The following OPHN1 variants were observed in gnomAD, a reference collection of about 807,000 sequenced individuals.
OPHN1 encodes oligophrenin-1.
OPHN1 carries 11 observed loss-of-function variants against 60.7 expected under a neutral mutation model. The observed-to-expected ratio is 0.18, with a 90% CI of 0.11 to 0.30. The LOEUF is 0.30. Ranked by LOEUF, OPHN1 falls within the 10% of genes least tolerant of loss-of-function variation. OPHN1 has a pLI of 1.00. For missense variants in OPHN1, 449 were observed against 611.0 expected (o/e 0.73, Z 2.80); for synonymous variants, 226 against 222.6 (o/e 1.02, Z -0.14).
At chrX:68,382,562 A>G (rs1265292375) in intron 2 of OPHN1, among the ~76,000 whole-genome samples, 4 of 110,840 alleles carry the variant, frequency 3.6e-5, no homozygotes, top group Non-Finnish European at 5.7e-5. Flanking sequence ...GCAAGTACTC[A>G]GCCTAATGCA....
At chrX:68,396,032 G>A (rs1032398982) in intron 2 of OPHN1, among the ~76,000 whole-genome samples, 2 of 110,552 alleles carry the variant, frequency 1.8e-5, no homozygotes, top group African/African-American at 6.6e-5. Flanking sequence ...AGGTATATCC[G>A]GGATTCAGAG....
At chrX:68,244,388 T>G (rs1378664488) in intron 5 of OPHN1, among the ~76,000 whole-genome samples, 1 of 112,283 alleles carries the variant, frequency 8.9e-6, no homozygotes, top group African/African-American at 3.2e-5. Flanking sequence ...TGAAATTATT[T>G]ATCTAATTAT....
chrX:68,283,225 G>T, intron 3 of OPHN1, 108 bp from the exon 4 acceptor site: 1 of 578,190 alleles, frequency 1.7e-6, no homozygotes, highest in Non-Finnish European at 2.9e-6. Flanking sequence ...ATGCCCACAT[G>T]GCCACTAGAG....
At chrX:68,152,092 C>G (rs185354115) in intron 15 of OPHN1, among the ~76,000 whole-genome samples, 324 of 111,005 alleles carry the variant, frequency 2.9e-3, no homozygotes, top group African/African-American at 9.9e-3. Flanking sequence ...GATGCTAACC[C>G]ACTCATGAGA....
At chrX:68,133,785 G>A (rs1377914388) in intron 15 of OPHN1, among the ~76,000 whole-genome samples, 1 of 111,793 alleles carries the variant, frequency 8.9e-6, no homozygotes, top group Non-Finnish European at 1.9e-5. Flanking sequence ...GTATGAGAGC[G>A]TGTGTATGTA....
At chrX:68,169,590 C>A (rs1282029978) in intron 15 of OPHN1, among the ~76,000 whole-genome samples, 1 of 107,811 alleles carries the variant, frequency 9.3e-6, no homozygotes, top group Non-Finnish European at 1.9e-5. Flanking sequence ...GAGATATAGA[C>A]CAATGGAACA....
At chrX:68,292,933 A>T (rs1390142753) in intron 3 of OPHN1, among the ~76,000 whole-genome samples, 1 of 111,863 alleles carries the variant, frequency 8.9e-6, no homozygotes, top group Non-Finnish European at 1.9e-5. Context: ...GTCTGGCAAA[A>T]TATTTGGTTC....
chrX:68,142,009 G>T (rs549472125), intron 15 of OPHN1, among the ~76,000 whole-genome samples: 96 of 111,747 alleles, frequency 8.6e-4, no homozygotes, highest in Middle Eastern at 9.4e-3. Flanking sequence ...ACAGGGAGTT[G>T]CCCCTGTGTC....
chrX:68,240,063 G>C (rs1047654817), intron 5 of OPHN1, among the ~76,000 whole-genome samples: 2 of 111,711 alleles, frequency 1.8e-5, no homozygotes, highest in Admixed American at 1.9e-4. Context: ...TGCTCGCCTC[G>C]GCCTCCCAAA....
chrX:68,323,140 T>C (rs1463508393), intron 2 of OPHN1, among the ~76,000 whole-genome samples: 1 of 112,083 alleles, frequency 8.9e-6, no homozygotes, highest in Non-Finnish European at 1.9e-5. Context: ...CTTGATAAAA[T>C]GCATAGAACG....
intron 5 of OPHN1, among the ~76,000 whole-genome samples, chrX:68,246,515 G>A (rs1323996793): frequency 8.9e-6 from 1 of 111,906 alleles, no homozygotes; most frequent in Non-Finnish European, 1.9e-5. Flanking sequence ...CAGAAGGCTA[G>A]AAAATGAGTG....
At chrX:68,048,345 C>A in intron 24 of OPHN1, 71 bp downstream of exon 24, 2 of 1,004,318 alleles carry the variant, frequency 2.0e-6, no homozygotes, top group African/African-American at 3.7e-5. Context: ...TTCCAGTCCT[C>A]AAAATATCAG....
At chrX:68,201,853 C>T in intron 10 of OPHN1, 143 bp from the exon 11 acceptor site, 1 of 512,781 alleles carries the variant, frequency 2.0e-6, no homozygotes, top group Non-Finnish European at 3.5e-6. Flanking sequence ...AGAATCTTGT[C>T]CCTTCAAACA....
intron 15 of OPHN1, among the ~76,000 whole-genome samples, chrX:68,181,690 T>A (rs1458402994): frequency 9.0e-6 from 1 of 111,139 alleles, no homozygotes; most frequent in Non-Finnish European, 1.9e-5. Context: ...TAGCCGGGCA[T>A]GGGGCCAGGT....
chrX:68,144,370 G>A (rs2077255445), intron 15 of OPHN1, among the ~76,000 whole-genome samples: 1 of 109,907 alleles, frequency 9.1e-6, no homozygotes. Flanking sequence ...TACCATAAAG[G>A]GTAGCAGTGA....
intron 6 of OPHN1, among the ~76,000 whole-genome samples, chrX:68,215,152 G>C (rs774255263): frequency 1.8e-5 from 2 of 111,514 alleles, no homozygotes; most frequent in Non-Finnish European, 3.8e-5. Context: ...GAAAACACTA[G>C]AAATCAAAAA....
At chrX:68,079,497 T>C (rs2076966480) in intron 19 of OPHN1, among the ~76,000 whole-genome samples, 1 of 111,887 alleles carries the variant, frequency 8.9e-6, no homozygotes, top group Admixed American at 9.5e-5. Flanking sequence ...TTTCTAAAAA[T>C]TCCTCTCTCT....
intron 2 of OPHN1, among the ~76,000 whole-genome samples, chrX:68,342,802 G>A (rs73634114): frequency 9.1e-6 from 1 of 110,355 alleles, no homozygotes; most frequent in African/African-American, 3.3e-5. Context: ...TTAGCCAGGT[G>A]CAGTGGCACA....
At chrX:68,100,878 C>G (rs923850589) in intron 18 of OPHN1, among the ~76,000 whole-genome samples, 18 of 110,539 alleles carry the variant, frequency 1.6e-4, no homozygotes, top group African/African-American at 5.9e-4. Context: ...TCCCGAGTAG[C>G]TGGGACTACA....
Sources: gnomAD v4.1 joint callset for allele counts (sites outside exome capture counted in the v4.1 genomes callset) on GRCh38, gnomAD v4.1.1 for gene constraint, MANE v1.5 for transcripts, NCBI Gene and HGNC (gene_info 2026-07-23, HGNC 2026-07-21) for gene names.